Variants in ZNRF3 observed in about 807,000 individuals in gnomAD.
ZNRF3 encodes the protein zinc and ring finger 3.
ZNRF3 carries 23 observed loss-of-function variants against 72.5 expected under a neutral mutation model. That is an observed-to-expected ratio of 0.32 (90% confidence interval 0.23 to 0.45). The LOEUF is 0.45. Ranked by LOEUF, ZNRF3 falls within the 20% of genes least tolerant of loss-of-function variation. The pLI is 1.00. For missense variants in ZNRF3, 1,169 were observed against 1,272.1 expected (o/e 0.92, Z 1.23); for synonymous variants, 610 against 545.3 (o/e 1.12, Z -1.65).
chr22:28,984,103 C>T (rs1189536760), intron 1 of ZNRF3, among the ~76,000 whole-genome samples: 1 of 150,628 alleles, frequency 6.6e-6, no homozygotes, highest in Non-Finnish European at 1.5e-5. Context: ...TGAGTAAGCT[C>T]TTAGGACAGT....
Position 29,048,455 on chromosome 22 carries a change from C to G in ZNRF3, c.979C>G (p.His327Asp). The change falls in exon 7 of 9, where the codon CAC (histidine) becomes GAC (aspartate). Residue 327 changes from histidine to aspartate, a missense_variant. Transcript: ENST00000544604. This position sits in a 1 kb window ranked among gnomAD's most constrained non-coding sequence, Gnocchi z 4.9. ...RKCVDPWLLQ[H>D]HTCPHCRHNI... ...GTGCGTGGACCCCTGGCTGCTGCAG[C>G]ACCACACCTGCCCCCACTGTCGGCA... is the stretch of plus-strand genomic sequence containing the variant. The G allele has an allele frequency of 6.2e-7, 1 of 1,614,182 alleles. No individual in the cohort carries two copies. Among genetic ancestry groups the G allele is most frequent in the East Asian group, 2.2e-5 (1 of 44,874 alleles).
At chr22:28,908,381 G>A (rs2034251845) in intron 1 of ZNRF3, among the ~76,000 whole-genome samples, 2 of 152,210 alleles carry the variant, frequency 1.3e-5, no homozygotes, top group African/African-American at 4.8e-5. Context: ...ATGCTGTAGA[G>A]AAGGCAGTAA....
At chr22:28,904,287 G>A (rs921212773) in intron 1 of ZNRF3, among the ~76,000 whole-genome samples, 1 of 152,148 alleles carries the variant, frequency 6.6e-6, no homozygotes, top group Non-Finnish European at 1.5e-5. Context: ...AGATTCTGGA[G>A]GGAGCTTACT....
intron 1 of ZNRF3, among the ~76,000 whole-genome samples, chr22:28,937,193 ATATATATATATATATATATATAT>A (rs2034839801): frequency 4.6e-5 from 1 of 21,708 alleles, no homozygotes; most frequent in African/African-American, 1.3e-4. Context: ...ATATATATAT[ATATATATATATATATATATATAT>A]TTTTTTTTTT....
chr22:29,042,430 C>T (rs886281222), intron 2 of ZNRF3, 65 bp from the exon 3 acceptor site: 10 of 1,474,366 alleles, frequency 6.8e-6, no homozygotes, highest in Admixed American at 3.6e-5. Context: ...GCCTGATTGC[C>T]AAGGCCAACT....
intron 2 of ZNRF3, among the ~76,000 whole-genome samples, chr22:29,004,448 G>A (rs114737175): frequency 0.017 from 2,593 of 152,272 alleles, 74 homozygotes; most frequent in African/African-American, 0.059. Context: ...CGAGGGTTGG[G>A]AGGCAGACAG....
chr22:28,927,356 C>T lies in ZNRF3; in HGVS notation c.300+43290C>T, dbSNP rs1054560550. Among the ~76,000 whole-genome samples, 9 of 152,242 alleles carry T rather than the reference C, an allele frequency of 5.9e-5. No individual in the cohort carries two copies. In the South Asian group the frequency reaches 1.9e-3, roughly 32 times the overall value. On this transcript the variant is annotated intron_variant, in intron 1 of 8. Coordinates refer to ENST00000544604, the MANE Select transcript of ZNRF3 (RefSeq NM_001206998.2). The stretch of plus-strand genomic sequence containing the variant: ...GAATCACAAGGTCAGGAGATTGAGA[C>T]CATCCTGGCTAACACAGTGAAACCC...
In ZNRF3 at chr22:29,050,935, C is replaced by T. The variant is rs766071414; in HGVS notation, c.2754C>T (p.Ala918=). 2 of 1,517,554 alleles carry T rather than the reference C, an allele frequency of 1.3e-6. No individual in the cohort carries two copies. The highest frequency in any genetic ancestry group is 2.6e-5 in the South Asian group (2 of 77,590). 94.0% of individuals were successfully genotyped at this position (1,517,554 alleles called of 1,614,324 possible). ...LQDTQESSTT[A]TEAAGPRSHS... is the part of the protein sequence containing the mutation. The stretch of plus-strand genomic sequence containing the variant: ...ACACTCAGGAGTCCAGCACCACTGC[C>T]ACTGAGGCTGCAGGTGAGAGCAGGA... Residue 918 remains alanine, a synonymous_variant, in exon 8 of 9, where the codon GCC becomes GCT. Transcript: ENST00000544604.
At chr22:29,042,301 G>T (rs1166442435) in intron 2 of ZNRF3, among the ~76,000 whole-genome samples, 194 bp from the exon 3 acceptor site, 1 of 152,158 alleles carries the variant, frequency 6.6e-6, no homozygotes, top group Non-Finnish European at 1.5e-5. Flanking sequence ...ATATGTTATT[G>T]TTAACTCTAG....
At chr22:28,939,965 A>G (rs943497344) in intron 1 of ZNRF3, among the ~76,000 whole-genome samples, 7 of 152,186 alleles carry the variant, frequency 4.6e-5, no homozygotes, top group African/African-American at 1.4e-4. Context: ...TTGATATATG[A>G]GTAGTCCTCA....
intron 1 of ZNRF3, among the ~76,000 whole-genome samples, chr22:28,929,248 G>T (rs2034662883): frequency 6.6e-6 from 1 of 152,212 alleles, no homozygotes; most frequent in Non-Finnish European, 1.5e-5. Context: ...TGACTTTATT[G>T]ATGATATAAC....
intron 1 of ZNRF3, among the ~76,000 whole-genome samples, chr22:28,975,868 A>G (rs2035663565): frequency 6.6e-6 from 1 of 152,162 alleles, no homozygotes; most frequent in East Asian, 1.9e-4. Context: ...ATTTGAGCCA[A>G]TTTGCAGCAT....
intron 1 of ZNRF3, among the ~76,000 whole-genome samples, chr22:28,965,299 A>G (rs1055134740): frequency 6.6e-6 from 1 of 152,224 alleles, no homozygotes; most frequent in African/African-American, 2.4e-5. Context: ...AGAAAATAAC[A>G]GCCACTAACA....
intron 1 of ZNRF3, among the ~76,000 whole-genome samples, chr22:28,914,495 C>CTTTT (rs132544): frequency 2.4e-5 from 3 of 125,958 alleles, no homozygotes; most frequent in Non-Finnish European, 3.2e-5. Flanking sequence ...TGACATAGAG[C>CTTTT]TTTTTTTTTT....
chr22:28,940,432 T>C (rs2034919673), intron 1 of ZNRF3, among the ~76,000 whole-genome samples: 1 of 151,868 alleles, frequency 6.6e-6, no homozygotes, highest in African/African-American at 2.4e-5. Context: ...GAAAATCTAC[T>C]CTCCTAGATT....
At chr22:28,946,160 C>A (rs1025341059) in intron 1 of ZNRF3, among the ~76,000 whole-genome samples, 3 of 152,118 alleles carry the variant, frequency 2.0e-5, no homozygotes, top group African/African-American at 7.2e-5. Context: ...AAGGGACACC[C>A]CAGCCTGTAG....
At chr22:28,928,459 AT>A (rs1392976543) in intron 1 of ZNRF3, among the ~76,000 whole-genome samples, 1 of 141,138 alleles carries the variant, frequency 7.1e-6, no homozygotes, top group East Asian at 2.0e-4. Flanking sequence ...AACTTGACAT[AT>A]TTAAATTTCT....
intron 1 of ZNRF3, among the ~76,000 whole-genome samples, chr22:28,981,288 T>C (rs2035759052): frequency 6.6e-6 from 1 of 152,256 alleles, no homozygotes; most frequent in Admixed American, 6.5e-5. Context: ...GTTCTTATTC[T>C]CTACAGATGA....
chr22:28,957,028 A>G (rs1036424554), intron 1 of ZNRF3, among the ~76,000 whole-genome samples: 16 of 152,234 alleles, frequency 1.1e-4, no homozygotes, highest in Admixed American at 1.0e-3. Flanking sequence ...TAACGTGCCT[A>G]TTGTGCAGAA....
Sources: allele counts gnomAD v4.1 joint callset (sites outside exome capture counted in the v4.1 genomes callset), GRCh38; gene constraint gnomAD v4.1.1; non-coding constraint Gnocchi (gnomAD v3.1); transcripts MANE v1.5; gene names NCBI Gene and HGNC (gene_info 2026-07-23, HGNC 2026-07-21).